The following SLC43A2 variants were observed in gnomAD, a reference collection of about 807,000 sequenced individuals.
SLC43A2 encodes the protein large neutral amino acids transporter small subunit 4.
A neutral mutation model predicts 63.2 loss-of-function variants in SLC43A2; 38 were observed. The ratio of observed to expected loss-of-function variants is 0.60; its 90% CI spans 0.46 to 0.79. The LOEUF (loss-of-function observed/expected upper bound fraction) is 0.79, where lower values mean the gene tolerates loss of function less well. SLC43A2 is among the 30% of genes least tolerant of loss of function. SLC43A2 has a pLI of 0.00. For synonymous variants in SLC43A2, 322 were observed against 331.0 expected (o/e 0.97, Z 0.30); for missense variants, 644 against 756.2 (o/e 0.85, Z 1.74).
Position 1,605,233 on chromosome 17 carries a change from T to A in SLC43A2, c.501+7962A>T. 1 of 1,070,444 alleles carries A rather than the reference T, an allele frequency of 9.3e-7. No homozygotes were observed. Among genetic ancestry groups the A allele is most frequent in the African/African-American group, 1.7e-5 (1 of 59,796 alleles). The allele number at this position is 1,070,444 out of a possible 1,614,324, so 66.3% of individuals were successfully genotyped here. ...TCAGTCACACAGGGAAGCCCGTGAC[T>A]CTCTCTCTTTCAGCCCCCTGGCTGC... is the stretch of plus-strand genomic sequence containing the variant. On this transcript the variant is annotated intron_variant, in intron 5 of 13. Coordinates refer to ENST00000301335, the MANE Select transcript of SLC43A2 (RefSeq NM_152346.3). The surrounding 1 kb of genome is among the most constrained non-coding windows in gnomAD (Gnocchi z 4.9).
At chr17:1,616,251 T>C in intron 3 of SLC43A2, 2 of 354,616 alleles carry the variant, frequency 5.6e-6, no homozygotes, top group South Asian at 1.2e-4. Flanking sequence ...GTCTCACACA[T>C]GCGAGGGAAA....
chr17:1,597,929 G>A (rs139748367), intron 5 of SLC43A2, among the ~76,000 whole-genome samples: 1 of 152,252 alleles, frequency 6.6e-6, no homozygotes, highest in African/African-American at 2.4e-5. Context: ...CTGGGTACCT[G>A]CCTCCCAGGT....
rs1387052300 is a variant in SLC43A2 at position 1,589,304 on chromosome 17, C to G, written c.1078+1498G>C. Among the ~76,000 whole-genome samples, 7 of 152,268 alleles carry G rather than the reference C, an allele frequency of 4.6e-5. No homozygotes were observed. In the East Asian group the frequency reaches 1.4e-3, roughly 29 times the overall value. ...GCACACTTTGGGGTTTCCGCCACTCCAGGGCTGAATGTTTATCAGGCTGGG... is the reference window on the plus strand; with the variant it reads ...GCACACTTTGGGGTTTCCGCCACTCGAGGGCTGAATGTTTATCAGGCTGGG... On this transcript the variant is annotated intron_variant, in intron 9 of 13. Coordinates refer to ENST00000301335, the MANE Select transcript of SLC43A2 (RefSeq NM_152346.3).
chr17:1,580,776 G>T (rs2076000689), intron 11 of SLC43A2, among the ~76,000 whole-genome samples: 1 of 150,512 alleles, frequency 6.6e-6, no homozygotes, highest in Admixed American at 6.6e-5. Flanking sequence ...GGTTGCCCAG[G>T]CTGGAGTGCA....
intron 3 of SLC43A2, among the ~76,000 whole-genome samples, chr17:1,615,842 C>CAATAAATAAATAAATAAATAAATA (rs55746555): frequency 8.4e-6 from 1 of 118,840 alleles, no homozygotes; most frequent in Non-Finnish European, 1.7e-5. Context: ...GACTCCATCT[C>CAATAAATAAATAAATAAATAAATA]AATAAATAAA....
rs938334959 is a variant in SLC43A2, at chr17:1,606,192, G to A, written c.501+7003C>T. On this transcript the variant is annotated intron_variant, in intron 5 of 13. Transcript: ENST00000301335. This position sits in a 1 kb window ranked among gnomAD's most constrained non-coding sequence, Gnocchi z 4.7. Reference sequence around the variant, plus strand: ...TCTCCTGGACCCTCCAGAGCTGGCCGGGGGCCACCGTGGGACCCTCTCCTG... The same window carrying A: ...TCTCCTGGACCCTCCAGAGCTGGCCAGGGGCCACCGTGGGACCCTCTCCTG... 6.6e-6 allele frequency among the ~76,000 whole-genome samples: 1 copy of A among 151,662 alleles called. No homozygotes were observed. The highest frequency in any genetic ancestry group is 1.5e-5 in the Non-Finnish European group (1 of 67,966).
At chr17:1,614,428 A>AAACAAC (rs1555543856) in intron 4 of SLC43A2, among the ~76,000 whole-genome samples, 4 of 151,918 alleles carry the variant, frequency 2.6e-5, no homozygotes, top group Non-Finnish European at 5.9e-5. Flanking sequence ...AAACAAAACA[A>AAACAAC]AACAACAACA....
Position 1,575,389 on chromosome 17 carries a change from G to C in SLC43A2, c.*215C>G. ...CCGGGGGGCGGCAGAGCAAAGTCAG[G>C]GCAGCCCCTGCGTTCGGCAGGAGAA... On this transcript the variant is annotated 3_prime_UTR_variant, in exon 14 of 14. Transcript: ENST00000301335. 1.6e-6 allele frequency: 1 copy of C among 631,864 alleles called. No individual in the cohort carries two copies. The highest frequency in any genetic ancestry group is 2.0e-5 in the South Asian group (1 of 51,098). 39.1% of individuals were successfully genotyped at this position (631,864 alleles called of 1,614,324 possible). A position where few individuals can be genotyped will look rare whatever the true frequency, so the allele number is the denominator to read the frequency against.
chr17:1,627,892 C>T lies in SLC43A2; in HGVS notation c.-18G>A. 1 of 1,530,670 alleles carries T rather than the reference C, an allele frequency of 6.5e-7. No individual in the cohort carries two copies. Among genetic ancestry groups the T allele is most frequent in the Non-Finnish European group, 8.8e-7 (1 of 1,138,978 alleles). The allele number at this position is 1,530,670 out of a possible 1,614,324, so 94.8% of individuals were successfully genotyped here. A position where few individuals can be genotyped will look rare whatever the true frequency, so the allele number is the denominator to read the frequency against. ...GGCGCCATGGTGCGGCGCGGCGCGG[C>T]TCCGGCTCCGGCTCCGGCTCTGCAC... On this transcript the variant is annotated 5_prime_UTR_variant, in exon 2 of 14. Coordinates refer to ENST00000301335, the MANE Select transcript of SLC43A2 (RefSeq NM_152346.3).
chr17:1,583,182 C>A lies in SLC43A2; in HGVS notation c.1350+22G>T, dbSNP rs2076046888. 3 of 1,610,252 alleles carry A rather than the reference C, an allele frequency of 1.9e-6. No homozygotes were observed. In the East Asian group the frequency reaches 6.7e-5, roughly 36 times the overall value. The stretch of plus-strand genomic sequence containing the variant: ...TCTGACTGCCCCACCTCCCACCTGC[C>A]CCTCCCACTCCCCACACCCACCTGG... On this transcript the variant is annotated intron_variant, in intron 11 of 13. Transcript: ENST00000301335. This position sits in a 1 kb window ranked among gnomAD's most constrained non-coding sequence, Gnocchi z 5.5.
chr17:1,600,152 A>ATATATATATATATATATATATATTTTT (rs1216616243), intron 5 of SLC43A2, among the ~76,000 whole-genome samples: 7 of 60,274 alleles, frequency 1.2e-4, no homozygotes, highest in East Asian at 7.0e-4. Flanking sequence ...ATATATATAT[A>ATATATATATATATATATATATATTTTT]TTTTTTTTTT....
intron 10 of SLC43A2, among the ~76,000 whole-genome samples, chr17:1,584,033 C>A (rs113210533): frequency 1.3e-5 from 2 of 151,882 alleles, no homozygotes. Context: ...GTAGCTGGGA[C>A]TACAGGCACG....
chr17:1,600,436 C>A (rs1390607965), intron 5 of SLC43A2, among the ~76,000 whole-genome samples: 1 of 150,486 alleles, frequency 6.6e-6, no homozygotes, highest in African/African-American at 2.4e-5. Flanking sequence ...CAGGTATGAG[C>A]CACCGCGCCC....
rs550823532 is a variant in SLC43A2, at chr17:1,614,025, C to T, written c.425-754G>A. ...TTGGGAGGCTGAGGCAGGTGGATCA[C>T]GAGGTCAGGAGATCAAGACCATCCT... On this transcript the variant is annotated intron_variant, in intron 4 of 13. Coordinates refer to ENST00000301335, the MANE Select transcript of SLC43A2 (RefSeq NM_152346.3). Among the ~76,000 whole-genome samples, 4 of 152,244 alleles carry T rather than the reference C, an allele frequency of 2.6e-5. No homozygotes were observed. The East Asian group carries it at 5.8e-4, about 22-fold the overall frequency.
At chr17:1,621,660 G>A (rs1026116214) in intron 2 of SLC43A2, among the ~76,000 whole-genome samples, 3 of 152,204 alleles carry the variant, frequency 2.0e-5, no homozygotes, top group Non-Finnish European at 2.9e-5. Flanking sequence ...CATGCTCAAC[G>A]GGTGTGCCCA....
intron 5 of SLC43A2, among the ~76,000 whole-genome samples, chr17:1,600,549 C>CTTTTTT (rs398030152): frequency 1.4e-5 from 1 of 73,764 alleles, no homozygotes; most frequent in African/African-American, 5.1e-5. Flanking sequence ...TTTCTTTCCT[C>CTTTTTT]TTTTTTTTTT....
intron 10 of SLC43A2, 165 bp downstream of exon 10, chr17:1,585,748 A>G (rs1192741294): frequency 6.3e-7 from 1 of 1,578,678 alleles, no homozygotes; most frequent in African/African-American, 1.3e-5. Flanking sequence ...AGCAGTTGAA[A>G]CGCATGCTGA....
Position 1,616,674 on chromosome 17 carries a change from C to A in SLC43A2, c.256G>T (p.Glu86Ter). The change falls in exon 3 of 14, where the codon GAG (glutamate) becomes TAG (stop). Residue 86 changes from glutamate to a stop codon, truncating the protein, a stop_gained. Coordinates refer to ENST00000301335, the MANE Select transcript of SLC43A2 (RefSeq NM_152346.3). LOFTEE classifies it high-confidence loss of function. Reference protein sequence around the residue: ...NGWLSCQAQDEMLNLAFTVGS... With the variant: ...NGWLSCQAQD ...ACAGTGAAGGCCAAATTTAGCATCT[C>A]GTCCTGGGCCTGGCAGCTGAGCCAG... 6.2e-7 allele frequency: 1 copy of A among 1,614,162 alleles called. No individual in the cohort carries two copies. The highest frequency in any genetic ancestry group is 1.1e-5 in the South Asian group (1 of 91,088).
chr17:1,591,542 C>T (rs372707868), intron 7 of SLC43A2, 24 bp downstream of exon 7: 61 of 1,565,358 alleles, frequency 3.9e-5, no homozygotes, highest in Admixed American at 3.2e-4. Context: ...TGGGGGCAGG[C>T]GGGACGGGGG....
Sources: allele counts gnomAD v4.1 joint callset (sites outside exome capture counted in the v4.1 genomes callset), GRCh38; gene constraint gnomAD v4.1.1; non-coding constraint Gnocchi (gnomAD v3.1); transcripts MANE v1.5; gene names NCBI Gene and HGNC (gene_info 2026-07-23, HGNC 2026-07-21).